GABRP: variants seen among roughly 807,000 people sequenced by gnomAD.
GABRP encodes the protein gamma-aminobutyric acid receptor subunit pi.
Under a neutral mutation model 47.8 loss-of-function variants are expected in GABRP, and 52 were observed. The ratio of observed to expected loss-of-function variants is 1.09; its 90% CI spans 0.87 to 1.37. GABRP has a LOEUF of 1.37. GABRP is among the 40% of genes most tolerant of loss of function. The pLI is 0.00. For synonymous variants in GABRP, 221 were observed against 205.8 expected (o/e 1.07, Z -0.63); for missense variants, 525 against 542.8 (o/e 0.97, Z 0.33).
chr5:170,800,447 C>G (rs1036936227), intron 6 of GABRP, among the ~76,000 whole-genome samples: 2 of 152,272 alleles, frequency 1.3e-5, no homozygotes, highest in East Asian at 3.9e-4. Flanking sequence ...GACTTCATGT[C>G]TAAAACACTA....
chr5:170,795,196 T>TC lies in GABRP; in HGVS notation c.241-7dup. ...CCCCCATCCATTTCCATACCCTGCC[T>TC]CCCCCTCCCAGGACTACACAGCCAC... On this transcript the variant is annotated splice_polypyrimidine_tract_variant and intron_variant, in intron 4 of 9. Coordinates refer to ENST00000265294, the MANE Select transcript of GABRP (RefSeq NM_014211.3). 1 of 1,602,156 alleles carries TC rather than the reference T, an allele frequency of 6.2e-7. No homozygotes were observed. The highest frequency in any genetic ancestry group is 1.1e-5 in the South Asian group (1 of 90,748).
intron 3 of GABRP, among the ~76,000 whole-genome samples, chr5:170,793,925 A>C (rs946399243): frequency 5.3e-5 from 8 of 152,146 alleles, no homozygotes; most frequent in Non-Finnish European, 7.4e-5. Flanking sequence ...AGAAGAGTGA[A>C]ACTCTGTCTC....
intron 8 of GABRP, 82 bp downstream of exon 8, chr5:170,808,834 A>G (rs1263576307): frequency 9.6e-6 from 12 of 1,255,252 alleles, no homozygotes; most frequent in African/African-American, 1.5e-5. Context: ...GTCTTCATTG[A>G]TATTCCTAAG....
At chr5:170,789,688 C>T (rs1220176438) in intron 3 of GABRP, among the ~76,000 whole-genome samples, 2 of 152,096 alleles carry the variant, frequency 1.3e-5, no homozygotes, top group Admixed American at 6.6e-5. Flanking sequence ...AGCATGCTCG[C>T]GTAGAGTCCA....
At chr5:170,785,832 G>A (rs911778233) in intron 1 of GABRP, among the ~76,000 whole-genome samples, 3 of 152,234 alleles carry the variant, frequency 2.0e-5, no homozygotes, top group Non-Finnish European at 4.4e-5. Context: ...CTGGTGGGAA[G>A]AGGCTGATAA....
Position 170,812,172 on chromosome 5 carries a change from A to G in GABRP, c.1237A>G (p.Asn413Asp), listed in dbSNP as rs368415509. 2 of 1,613,904 alleles carry G rather than the reference A, an allele frequency of 1.2e-6. No homozygotes were observed. The highest frequency in any genetic ancestry group is 2.7e-5 in the African/African-American group (2 of 74,932). ...VDYFTIQNPS[N>D]VDHYSKLLFP... The stretch of plus-strand genomic sequence containing the variant: ...TTATTTCACAATTCAAAACCCCAGT[A>G]ATGTTGATCACTATTCCAAACTACT... Residue 413 changes from asparagine to aspartate, a missense_variant, in exon 10 of 10, where the codon AAT becomes GAT. Transcript: ENST00000265294.
chr5:170,788,718 C>T (rs1325174223), intron 2 of GABRP, 50 bp downstream of exon 2: 18 of 1,574,890 alleles, frequency 1.1e-5, no homozygotes, highest in East Asian at 9.0e-5. Flanking sequence ...GCTTTGCATT[C>T]GGGCATGTGG....
intron 3 of GABRP, among the ~76,000 whole-genome samples, chr5:170,791,751 C>T (rs1291716895): frequency 6.6e-6 from 1 of 152,194 alleles, no homozygotes; most frequent in Non-Finnish European, 1.5e-5. Flanking sequence ...AAAGTAGATG[C>T]CGTAACCGTG....
intron 7 of GABRP, among the ~76,000 whole-genome samples, chr5:170,808,398 G>C (rs1215511029): frequency 6.6e-6 from 1 of 152,128 alleles, no homozygotes; most frequent in Admixed American, 6.6e-5. Context: ...AGCCCAGGTT[G>C]GACATAAGGC....
chr5:170,786,947 T>C (rs1765144673), intron 1 of GABRP, among the ~76,000 whole-genome samples: 1 of 152,204 alleles, frequency 6.6e-6, no homozygotes, highest in Admixed American at 6.5e-5. Flanking sequence ...ATTTCTGAAG[T>C]ATGAGACAAA....
Position 170,795,304 on chromosome 5 carries a change from G to A in GABRP, c.337G>A (p.Glu113Lys), listed in dbSNP as rs754015062. 3.1e-6 allele frequency: 5 copies of A among 1,613,908 alleles called. No individual in the cohort carries two copies. The South Asian group carries it at 5.5e-5, about 18-fold the overall frequency. Reference sequence around the variant, plus strand: ...CTTCACTCTGGATGCCCGCCTCGTGGAGTTCCTCTGGGTGCCAGATACTTA... The same window carrying A: ...CTTCACTCTGGATGCCCGCCTCGTGAAGTTCCTCTGGGTGCCAGATACTTA... ...KSFTLDARLV[E>K]FLWVPDTYIV... The change falls in exon 5 of 10, where the codon GAG becomes AAG. Residue 113 changes from glutamate (E) to lysine (K), a missense_variant. Physicochemically the swap from Glu to Lys is moderately conservative, Grantham distance 56. Transcript: ENST00000265294.
chr5:170,805,331 T>A (rs1002776847), intron 6 of GABRP, among the ~76,000 whole-genome samples: 2 of 152,178 alleles, frequency 1.3e-5, no homozygotes, highest in African/African-American at 2.4e-5. Flanking sequence ...ACAGATCAGT[T>A]CTTAAGTCCC....
intron 3 of GABRP, 86 bp downstream of exon 3, chr5:170,789,333 T>A: frequency 1.3e-6 from 1 of 768,552 alleles, no homozygotes. Context: ...AGGTTTTAGT[T>A]GACTCCATTT....
intron 3 of GABRP, among the ~76,000 whole-genome samples, chr5:170,790,456 C>G (rs1581589747): frequency 1.3e-5 from 2 of 152,128 alleles, no homozygotes; most frequent in East Asian, 3.9e-4. Flanking sequence ...ATAATAAAAC[C>G]CTCTGGTCTG....
At chr5:170,794,107 A>T in intron 3 of GABRP, 124 bp from the exon 4 acceptor site, 1 of 513,456 alleles carries the variant, frequency 1.9e-6, no homozygotes, top group Non-Finnish European at 3.2e-6. Context: ...TTTATAGAAT[A>T]TTTAAATTTT....
chr5:170,801,540 A>T (rs7447755), intron 6 of GABRP, among the ~76,000 whole-genome samples: 1 of 152,140 alleles, frequency 6.6e-6, no homozygotes, highest in Non-Finnish European at 1.5e-5. Context: ...TAGGACCAAG[A>T]CCAGTGTTTG....
At chr5:170,793,935 CAAAAAT>C (rs1484668805) in intron 3 of GABRP, among the ~76,000 whole-genome samples, 1 of 151,802 alleles carries the variant, frequency 6.6e-6, no homozygotes, top group Non-Finnish European at 1.5e-5. Context: ...AACTCTGTCT[CAAAAAT>C]AATAATAATA....
In GABRP at chr5:170,812,068, T is replaced by C. The variant is rs1286518870; in HGVS notation, c.1133T>C (p.Val378Ala). 1 of 1,614,208 alleles carries C rather than the reference T, an allele frequency of 6.2e-7. No individual in the cohort carries two copies. Among genetic ancestry groups the C allele is most frequent in the Non-Finnish European group, 8.5e-7 (1 of 1,180,038 alleles). Residue 378 changes from valine to alanine, a missense_variant, in exon 10 of 10, where the codon GTT (valine) becomes GCT (alanine). Physicochemically the swap from Val to Ala is moderately conservative, Grantham distance 64. Transcript: ENST00000265294. Reference protein sequence around the residue: ...FASIEISSDNVDYSDLTMKTS... With the variant: ...FASIEISSDNADYSDLTMKTS... Reference sequence around the variant, plus strand: ...AGCATTGAAATTTCCAGCGACAACGTTGACTACAGTGACTTGACAATGAAA... The same window carrying C: ...AGCATTGAAATTTCCAGCGACAACGCTGACTACAGTGACTTGACAATGAAA...
rs1581611846 is a variant in GABRP at position 170,812,553 on chromosome 5, C to T, written c.*295C>T. ...GTACTCAGGGCTGTTTATTCGGTGG[C>T]TCCCTGGTTTGCATTTACCTCATAT... On this transcript the variant is annotated 3_prime_UTR_variant, in exon 10 of 10. Transcript: ENST00000265294. 1 of 302,874 alleles carries T rather than the reference C, an allele frequency of 3.3e-6. No homozygotes were observed. The highest frequency in any genetic ancestry group is 2.1e-5 in the African/African-American group (1 of 47,376). 18.8% of individuals were successfully genotyped at this position (302,874 alleles called of 1,614,324 possible). A position where few individuals can be genotyped will look rare whatever the true frequency, so the allele number is the denominator to read the frequency against.
Sources: gnomAD v4.1 joint callset for allele counts (sites outside exome capture counted in the v4.1 genomes callset) on GRCh38, gnomAD v4.1.1 for gene constraint, MANE v1.5 for transcripts, NCBI Gene and HGNC (gene_info 2026-07-23, HGNC 2026-07-21) for gene names.